MXI1: variants seen among roughly 807,000 people sequenced by gnomAD.
MXI1 encodes the protein MAX interactor 1, dimerization protein.
A neutral mutation model predicts 36.9 loss-of-function variants in MXI1; 18 were observed. The observed-to-expected ratio is 0.49, with a 90% confidence interval of 0.34 to 0.72. The LOEUF is 0.72. Among genes scored for constraint, MXI1 ranks in the 30% least tolerant of loss-of-function variants. The probability of loss-of-function intolerance (pLI) is 0.01; values close to 1 mark genes in which losing one functional copy is unlikely to be tolerated. For missense variants in MXI1, 304 were observed against 379.1 expected, an observed-to-expected ratio of 0.80 and a Z score of 1.64; for synonymous variants, 160 against 146.7, an observed-to-expected ratio of 1.09 and a Z score of -0.65.
At chr10:110,238,996 T>C (rs1855570220) in intron 2 of MXI1, among the ~76,000 whole-genome samples, 1 of 152,240 alleles carries the variant, frequency 6.6e-6, no homozygotes, top group Non-Finnish European at 1.5e-5. Context: ...AGAGGTAGTT[T>C]ATCAATGTGT....
rs546168606 is a variant in MXI1 at position 110,277,746 on chromosome 10, C to T, written c.438-1434C>T. 2.0e-5 allele frequency among the ~76,000 whole-genome samples: 3 copies of T among 152,280 alleles called. No individual in the cohort carries two copies. The South Asian group carries it at 6.2e-4, about 32-fold the overall frequency. On this transcript the variant is annotated intron_variant, in intron 3 of 5. Transcript: ENST00000332674. ...AATTTGAAATGGAAATACTGTCAGA[C>T]CTTTAACTATAGTTAGGTTAGTAGG...
At position 110,273,041 on chromosome 10, in the gene MXI1, CTTT is replaced by C. The variant is rs771024820; in HGVS notation, c.438-6119_438-6117del. ...CATTTTGTAGAAATAGCTTGTTTAG[CTTT>C]TTTTTTTTTTTTTTTTTTTGTGAGA... On this transcript the variant is annotated intron_variant, in intron 3 of 5. Transcript: ENST00000332674. 1.6e-4 allele frequency among the ~76,000 whole-genome samples: 18 copies of C among 110,874 alleles called. No homozygotes were observed. The South Asian group carries it at 2.6e-3, about 16-fold the overall frequency. The allele number at this position is 110,874 out of a possible 152,430, so 72.7% of individuals were successfully genotyped here.
At position 110,228,243 on chromosome 10, in the gene MXI1, A is replaced by G. The variant is rs370464049; in HGVS notation, c.329A>G (p.Gln110Arg). Residue 110 changes from glutamine to arginine, a missense_variant, in exon 2 of 6, where the codon CAG becomes CGG. Transcript: ENST00000332674. ...SFPSMPSPRL[Q>R]HSKPPRRLSR... ...CCGTCCATGCCGAGCCCCCGACTGCAGCATTCAAAGCCCCCACGGAGGTTG... is the reference window on the plus strand; with the variant it reads ...CCGTCCATGCCGAGCCCCCGACTGCGGCATTCAAAGCCCCCACGGAGGTTG... The G allele has an allele frequency of 8.1e-6, 13 of 1,613,998 alleles. No homozygotes were observed. Among genetic ancestry groups the G allele is most frequent in the East Asian group, 4.5e-5 (2 of 44,900 alleles).
intron 3 of MXI1, among the ~76,000 whole-genome samples, chr10:110,270,176 G>A (rs1856811082): frequency 6.6e-6 from 1 of 152,210 alleles, no homozygotes. Flanking sequence ...TTTCTCCAGT[G>A]ATGTAGCCCT....
rs1396934337 is a variant in MXI1, at chr10:110,228,303, A to C, written c.389A>C (p.Asn130Thr). The C allele has an allele frequency of 1.2e-6, 2 of 1,614,060 alleles. No homozygotes were observed. Among genetic ancestry groups the C allele is most frequent in the Non-Finnish European group, 1.7e-6 (2 of 1,180,034 alleles). ...RAQKHSSGSS[N>T]TSTANRSTHN... The stretch of plus-strand genomic sequence containing the variant: ...CAGAAACACAGCAGCGGGAGCAGCA[A>C]CACCAGCACTGCCAACAGGTAGCAA... The change falls in exon 2 of 6, where the codon AAC becomes ACC. Residue 130 changes from asparagine (N) to threonine (T), a missense_variant. Physicochemically the swap from Asn to Thr is moderately conservative, Grantham distance 65. This residue lies in a region of MXI1 where 179 missense variants were observed against 184.8 expected (regional missense o/e 0.97). Coordinates refer to ENST00000332674, the MANE Select transcript of MXI1 (RefSeq NM_130439.3).
intron 3 of MXI1, among the ~76,000 whole-genome samples, chr10:110,274,872 A>AT (rs66570053): frequency 0.035 from 3,867 of 109,970 alleles, 167 homozygotes; most frequent in African/African-American, 0.078. Context: ...GTGAATAAGG[A>AT]TTTTTTTTTT....
At chr10:110,275,315 G>A (rs1856989816) in intron 3 of MXI1, among the ~76,000 whole-genome samples, 1 of 152,098 alleles carries the variant, frequency 6.6e-6, no homozygotes, top group Non-Finnish European at 1.5e-5. Flanking sequence ...TGAGAATGAA[G>A]GCAAGAAAAG....
chr10:110,229,238 C>T (rs2134357736), intron 2 of MXI1, among the ~76,000 whole-genome samples: 1 of 152,286 alleles, frequency 6.6e-6, no homozygotes, highest in Middle Eastern at 3.4e-3. Flanking sequence ...CTGCCTTTTC[C>T]ATTGATAAGG....
intron 3 of MXI1, among the ~76,000 whole-genome samples, chr10:110,251,844 C>T (rs78355486): frequency 0.014 from 2,122 of 152,002 alleles, 44 homozygotes; most frequent in African/African-American, 0.049. Context: ...GTGGGTAGAC[C>T]GTATTGAGTT....
chr10:110,211,973 G>C (rs1046262979), intron 1 of MXI1, among the ~76,000 whole-genome samples: 2 of 152,194 alleles, frequency 1.3e-5, no homozygotes, highest in Non-Finnish European at 2.9e-5. Flanking sequence ...TGACTAATAA[G>C]TAGAAAAAGA....
In MXI1 at chr10:110,224,614, C is replaced by A. The variant is rs76401116; in HGVS notation, c.275-3575C>A. On this transcript the variant is annotated intron_variant, in intron 1 of 5. Coordinates refer to ENST00000332674, the MANE Select transcript of MXI1 (RefSeq NM_130439.3). ...GGTGGAGGACTTAGAAAGAGAGTGG[C>A]CATGAATGAGCAGTCAGTGGCTTTT... 1.8e-3 allele frequency among the ~76,000 whole-genome samples: 270 copies of A among 150,196 alleles called. 1 individual carries two copies. Among genetic ancestry groups the A allele is most frequent in the African/African-American group, 5.9e-3 (240 of 40,750 alleles).
intron 2 of MXI1, among the ~76,000 whole-genome samples, chr10:110,229,756 T>C (rs1312504068): frequency 1.3e-5 from 2 of 152,188 alleles, no homozygotes; most frequent in Non-Finnish European, 1.5e-5. Context: ...TTAAAAAATG[T>C]ACATTTGCTT....
chr10:110,285,034 A>G lies in MXI1; in HGVS notation c.*47A>G, dbSNP rs747034948. The G allele has an allele frequency of 1.8e-5, 27 of 1,524,388 alleles. No individual in the cohort carries two copies. Among genetic ancestry groups the G allele is most frequent in the South Asian group, 1.7e-4 (13 of 78,548 alleles). The allele number at this position is 1,524,388 out of a possible 1,614,324, so 94.4% of individuals were successfully genotyped here. A position where few individuals can be genotyped will look rare whatever the true frequency, so the allele number is the denominator to read the frequency against. On this transcript the variant is annotated 3_prime_UTR_variant, in exon 6 of 6. Transcript: ENST00000332674. ...GCAGGGCAAAATATTCACTGGGCCA[A>G]TTCAATACAAACAATCTCTTAAATT... is the stretch of plus-strand genomic sequence containing the variant.
At chr10:110,249,781 T>C (rs546457361) in intron 3 of MXI1, among the ~76,000 whole-genome samples, 1 of 152,222 alleles carries the variant, frequency 6.6e-6, no homozygotes, top group Non-Finnish European at 1.5e-5. Context: ...TGGGTCATAG[T>C]CAAAACCTAC....
intron 1 of MXI1, among the ~76,000 whole-genome samples, chr10:110,216,913 C>T (rs2134331263): frequency 1.3e-5 from 2 of 152,082 alleles, no homozygotes; most frequent in African/African-American, 4.8e-5. Context: ...AGCCATCGAC[C>T]CACCTCGGCC....
At chr10:110,226,291 C>T (rs1451563415) in intron 1 of MXI1, 3 of 1,493,984 alleles carry the variant, frequency 2.0e-6, no homozygotes, top group Admixed American at 2.1e-5. Context: ...GAGGTAATGG[C>T]TGGGCGCCGC....
At chr10:110,258,611 C>G (rs1564719773) in intron 3 of MXI1, among the ~76,000 whole-genome samples, 1 of 152,014 alleles carries the variant, frequency 6.6e-6, no homozygotes, top group Non-Finnish European at 1.5e-5. Flanking sequence ...GATAGGAATA[C>G]TGAAAACTGT....
rs10656872 is a variant in MXI1 at position 110,216,665 on chromosome 10, G to GTTTTTTTTTTTTTTTTTTTTTTTTTTTTT, written c.274+8603_274+8604insTTTTTTTTTTTTTTTTTTTTTTTTTTTTT. On this transcript the variant is annotated intron_variant, in intron 1 of 5. Coordinates refer to ENST00000332674, the MANE Select transcript of MXI1 (RefSeq NM_130439.3). ...CCTGTCTCCCCTATCTGTGTTTAAT[G>GTTTTTTTTTTTTTTTTTTTTTTTTTTTTT]TTTTTTTTTTTTTTTTTTTTGGAGA... Among the ~76,000 whole-genome samples, 100 of 79,054 alleles carry GTTTTTTTTTTTTTTTTTTTTTTTTTTTTT rather than the reference G, an allele frequency of 1.3e-3. 25 individuals are homozygous for GTTTTTTTTTTTTTTTTTTTTTTTTTTTTT. The highest frequency in any genetic ancestry group is 8.5e-3 in the Middle Eastern group (1 of 118). The allele number at this position is 79,054 out of a possible 152,430, so 51.9% of individuals were successfully genotyped here.
At chr10:110,244,803 G>GC in intron 2 of MXI1, 25 bp from the exon 3 acceptor site, 1 of 1,342,146 alleles carries the variant, frequency 7.5e-7, no homozygotes, top group South Asian at 1.4e-5. Context: ...CATGGCTAAT[G>GC]CTTTTTTTTT....
Sources: allele counts gnomAD v4.1 joint callset (sites outside exome capture counted in the v4.1 genomes callset), GRCh38; gene constraint gnomAD v4.1.1; regional missense constraint gnomAD v4.1.1; transcripts MANE v1.5; gene names NCBI Gene and HGNC (gene_info 2026-07-23, HGNC 2026-07-21).